TENM4: variants seen among roughly 807,000 people sequenced by gnomAD.
The protein encoded by TENM4 is teneurin-4.
In TENM4, 82 loss-of-function variants were observed where a neutral mutation model predicts 243.3. The ratio of observed to expected loss-of-function variants is 0.34; its 90% confidence interval spans 0.28 to 0.40. TENM4 has a LOEUF of 0.40. Ranked by LOEUF, TENM4 falls within the 10% of genes least tolerant of loss-of-function variation. The pLI, the probability that TENM4 is intolerant of heterozygous loss-of-function variation, is 1.00. For synonymous variants in TENM4, 1,412 were observed against 1,456.3 expected, an observed-to-expected ratio of 0.97 and a Z score of 0.69; for missense variants, 3,138 against 3,673.3, an observed-to-expected ratio of 0.85 and a Z score of 3.77.
At chr11:78,721,235 T>C (rs767377167) in intron 24 of TENM4, among the ~76,000 whole-genome samples, 1 of 152,220 alleles carries the variant, frequency 6.6e-6, no homozygotes, top group African/African-American at 2.4e-5. Flanking sequence ...GTCAGACTCA[T>C]AATAGACAGC....
intron 1 of TENM4, among the ~76,000 whole-genome samples, chr11:79,374,803 C>A (rs565965748): frequency 6.6e-6 from 1 of 152,116 alleles, no homozygotes; most frequent in South Asian, 2.1e-4. Context: ...GGCATTACTA[C>A]AGTGAAGTTT....
At chr11:79,070,072 G>A (rs1027233448) in intron 4 of TENM4, 63 bp from the exon 5 acceptor site, 10 of 1,450,358 alleles carry the variant, frequency 6.9e-6, no homozygotes, top group Non-Finnish European at 9.0e-6. Context: ...GTTCATCCTG[G>A]TCCTGGATTC....
At chr11:79,107,768 C>T (rs1485088343) in intron 4 of TENM4, among the ~76,000 whole-genome samples, 2 of 152,186 alleles carry the variant, frequency 1.3e-5, no homozygotes, top group Non-Finnish European at 2.9e-5. Flanking sequence ...AGCTTCTTTG[C>T]ACCTGGCATT....
chr11:78,978,689 G>GA (rs1191501550), intron 6 of TENM4, among the ~76,000 whole-genome samples: 6 of 151,744 alleles, frequency 4.0e-5, no homozygotes, highest in Non-Finnish European at 5.9e-5. Context: ...ACTAGATTGG[G>GA]AAAAAAAATT....
In TENM4 at chr11:78,670,394, C is replaced by T. The variant is rs1194550346; in HGVS notation, c.5951G>A (p.Gly1984Asp). The T allele has an allele frequency of 6.2e-7, 1 of 1,613,954 alleles. No individual in the cohort carries two copies. Residue 1984 changes from glycine to aspartate, a missense_variant, in exon 32 of 34, where the codon GGC becomes GAC. Transcript: ENST00000278550. Reference sequence around the variant, plus strand: ...GAAGTCCTGTATGACTGAGGCATTGCCCTCAGGGGGCTGATAGATGTTTCT... The same window carrying T: ...GAAGTCCTGTATGACTGAGGCATTGTCCTCAGGGGGCTGATAGATGTTTCT... Reference protein sequence around the residue: ...YYRNIYQPPEGNASVIQDFTE... With the variant: ...YYRNIYQPPEDNASVIQDFTE...
intron 1 of TENM4, chr11:79,402,060 T>C (rs776920153): frequency 2.2e-6 from 1 of 462,500 alleles, no homozygotes; most frequent in South Asian, 1.7e-5. Context: ...GTTGTGTTCA[T>C]GTGCAAGTCA....
intron 4 of TENM4, among the ~76,000 whole-genome samples, chr11:79,098,163 C>T (rs963234357): frequency 1.3e-5 from 2 of 152,196 alleles, no homozygotes; most frequent in African/African-American, 2.4e-5. Context: ...CTGGGCTTCC[C>T]AGGCCCCTGT....
intron 3 of TENM4, among the ~76,000 whole-genome samples, chr11:79,201,141 G>A (rs1455767154): frequency 6.6e-6 from 1 of 152,188 alleles, no homozygotes; most frequent in African/African-American, 2.4e-5. Flanking sequence ...TATGATCTTG[G>A]CTGGAAGAAG....
At chr11:78,925,604 ACTC>A (rs34437143) in intron 6 of TENM4, among the ~76,000 whole-genome samples, 8,471 of 151,964 alleles carry the variant, frequency 0.056, 344 homozygotes, top group Non-Finnish European at 0.09. Flanking sequence ...GCTTTCACAC[ACTC>A]CTCCATGTCA....
intron 1 of TENM4, among the ~76,000 whole-genome samples, chr11:79,381,599 T>C (rs528838889): frequency 6.7e-6 from 1 of 150,128 alleles, no homozygotes; most frequent in African/African-American, 2.5e-5. Context: ...GCCCATCTAG[T>C]GTGCAAGGTA....
chr11:79,075,301 A>G (rs1860512315), intron 4 of TENM4, among the ~76,000 whole-genome samples: 1 of 152,150 alleles, frequency 6.6e-6, no homozygotes, highest in Admixed American at 6.5e-5. Context: ...GAAGTGTCCA[A>G]CTGCAAACCT....
Position 78,959,977 on chromosome 11 carries a change from G to A in TENM4, c.494-56454C>T, listed in dbSNP as rs371811563. Among the ~76,000 whole-genome samples the A allele has an allele frequency of 3.6e-4, 54 of 151,966 alleles. No individual in the cohort carries two copies. In the East Asian group the frequency reaches 5.4e-3, roughly 15 times the overall value. ...TATATATTTCCCCCCTACCCCATAA[G>A]CTTAAGAAGGCTACTGGCAGGAATA... On this transcript the variant is annotated intron_variant, in intron 6 of 33. Transcript: ENST00000278550.
At chr11:78,771,188 C>T in intron 17 of TENM4, 50 bp from the exon 18 acceptor site, 1 of 1,547,914 alleles carries the variant, frequency 6.5e-7, no homozygotes. Flanking sequence ...AGTCAACTGC[C>T]ATCACACACA....
chr11:78,891,437 G>A lies in TENM4; in HGVS notation c.750-101C>T, dbSNP rs534609865. The stretch of plus-strand genomic sequence containing the variant: ...GTGGCTGTTTGGTGCAGCTGTGTGC[G>A]TAAGACCAGCGGGACACGGTTTCCA... On this transcript the variant is annotated intron_variant, in intron 7 of 33. Transcript: ENST00000278550. 2.6e-5 allele frequency: 28 copies of A among 1,061,588 alleles called. No homozygotes were observed. In the East Asian group the frequency reaches 2.9e-4, roughly 11 times the overall value. The allele number at this position is 1,061,588 out of a possible 1,614,324, so 65.8% of individuals were successfully genotyped here.
At chr11:79,375,427 G>A (rs1268702183) in intron 1 of TENM4, among the ~76,000 whole-genome samples, 1 of 152,166 alleles carries the variant, frequency 6.6e-6, no homozygotes, top group African/African-American at 2.4e-5. Flanking sequence ...AAATTAGACT[G>A]TGCATAGCTC....
chr11:78,810,063 G>GA (rs1232205851), intron 14 of TENM4, among the ~76,000 whole-genome samples: 1 of 151,738 alleles, frequency 6.6e-6, no homozygotes, highest in African/African-American at 2.4e-5. Flanking sequence ...GGAAGGGGGA[G>GA]AAAAAAAAGT....
At chr11:78,938,028 A>C (rs1446317672) in intron 6 of TENM4, among the ~76,000 whole-genome samples, 1 of 152,184 alleles carries the variant, frequency 6.6e-6, no homozygotes, top group African/African-American at 2.4e-5. Flanking sequence ...CCCCAGGCTC[A>C]CTTCTCTATA....
rs550216261 is a variant in TENM4, at chr11:79,292,688, G to A, written c.-265+4800C>T. The stretch of plus-strand genomic sequence containing the variant: ...CCAGTATATCTGGGTGAGACATTAA[G>A]CACCAAGCTTTCATGTCAGTCAAGC... On this transcript the variant is annotated intron_variant, in intron 2 of 33. Coordinates refer to ENST00000278550, the MANE Select transcript of TENM4 (RefSeq NM_001098816.3). Among the ~76,000 whole-genome samples the A allele has an allele frequency of 2.6e-5, 4 of 152,348 alleles. No individual in the cohort carries two copies. The South Asian group carries it at 8.3e-4, about 32-fold the overall frequency.
intron 1 of TENM4, among the ~76,000 whole-genome samples, chr11:79,363,083 A>G (rs1462220142): frequency 6.6e-6 from 1 of 152,246 alleles, no homozygotes; most frequent in Non-Finnish European, 1.5e-5. Context: ...TGGCTAGTAC[A>G]GTTGCTTTTT....
Sources: gnomAD v4.1 joint callset for allele counts (sites outside exome capture counted in the v4.1 genomes callset) on GRCh38, gnomAD v4.1.1 for gene constraint, MANE v1.5 for transcripts, NCBI Gene and HGNC (gene_info 2026-07-23, HGNC 2026-07-21) for gene names.